GALNT17: variants seen among roughly 807,000 people sequenced by gnomAD.
GALNT17 encodes the protein polypeptide N-acetylgalactosaminyltransferase 17, also known as UDP-GalNAc:polypeptide N-acetylgalactosaminyltransferase-like 3.
A neutral mutation model predicts 63.7 loss-of-function variants in GALNT17; 29 were observed. The observed-to-expected ratio is 0.46, with a 90% CI of 0.34 to 0.62. The LOEUF (loss-of-function observed/expected upper bound fraction) is 0.62, where lower values mean the gene tolerates loss of function less well. Among genes scored for constraint, GALNT17 ranks in the 20% least tolerant of loss-of-function variants. The pLI is 0.01. For missense variants in GALNT17, 603 were observed against 799.6 expected (o/e 0.75, Z 2.97); for synonymous variants, 305 against 318.3 (o/e 0.96, Z 0.45).
chr7:71,538,978 C>T (rs1584034699), intron 5 of GALNT17, among the ~76,000 whole-genome samples: 1 of 152,060 alleles, frequency 6.6e-6, no homozygotes, highest in Admixed American at 6.6e-5. Context: ...ACTCTGTCGC[C>T]CAGGCTGGAG....
At chr7:71,530,598 GA>G (rs1788703656) in intron 5 of GALNT17, among the ~76,000 whole-genome samples, 8 of 150,894 alleles carry the variant, frequency 5.3e-5, no homozygotes, top group Admixed American at 5.3e-4. Flanking sequence ...TTTTGAGACA[GA>G]GTCTCGCTCT....
intron 1 of GALNT17, among the ~76,000 whole-genome samples, chr7:71,295,102 G>T (rs1791053929): frequency 6.6e-6 from 1 of 152,104 alleles, no homozygotes; most frequent in Non-Finnish European, 1.5e-5. Flanking sequence ...CTTACAATGG[G>T]CCGAGGATAC....
intron 5 of GALNT17, among the ~76,000 whole-genome samples, chr7:71,461,187 A>C (rs1439036571): frequency 6.6e-6 from 1 of 152,152 alleles, no homozygotes; most frequent in African/African-American, 2.4e-5. Flanking sequence ...CAGAGTATGC[A>C]GCAACCCATT....
At chr7:71,499,971 T>A (rs116963070) in intron 5 of GALNT17, among the ~76,000 whole-genome samples, 1,601 of 152,332 alleles carry the variant, frequency 0.011, 12 homozygotes, top group Non-Finnish European at 0.018. Context: ...GCACTTCTCC[T>A]GCTATCCTGT....
chr7:71,634,276 C>T (rs576486019), intron 6 of GALNT17, among the ~76,000 whole-genome samples: 6 of 152,056 alleles, frequency 3.9e-5, no homozygotes, highest in African/African-American at 9.6e-5. Context: ...TTGGGGGGTC[C>T]GTTTGTTGAC....
chr7:71,591,886 G>A (rs1181884708), intron 6 of GALNT17, among the ~76,000 whole-genome samples: 4 of 152,198 alleles, frequency 2.6e-5, no homozygotes, highest in African/African-American at 9.6e-5. Flanking sequence ...TGGTCTCGAA[G>A]TCCTGACCTC....
At chr7:71,695,966 T>A (rs1791534640) in intron 9 of GALNT17, among the ~76,000 whole-genome samples, 1 of 152,200 alleles carries the variant, frequency 6.6e-6, no homozygotes, top group South Asian at 2.1e-4. Context: ...TCAATTTCAA[T>A]AATATACACA....
At chr7:71,207,297 A>G (rs1364883691) in intron 1 of GALNT17, among the ~76,000 whole-genome samples, 1 of 152,146 alleles carries the variant, frequency 6.6e-6, no homozygotes, top group Non-Finnish European at 1.5e-5. Context: ...TGTAAGTTTA[A>G]ACCATGTCCC....
chr7:71,655,261 A>C (rs941266321), intron 6 of GALNT17, among the ~76,000 whole-genome samples: 2 of 152,166 alleles, frequency 1.3e-5, no homozygotes, highest in Non-Finnish European at 2.9e-5. Context: ...TCTCTCAAAA[A>C]AAGAATCAAA....
intron 1 of GALNT17, among the ~76,000 whole-genome samples, chr7:71,258,678 G>T (rs927417898): frequency 1.3e-5 from 2 of 152,048 alleles, no homozygotes; most frequent in Admixed American, 1.3e-4. Flanking sequence ...TTACAGAGAG[G>T]ATGATATTTA....
In GALNT17 at chr7:71,507,645, C is replaced by T. The variant is rs183850772; in HGVS notation, c.963-63640C>T. ...GACGCCACTGGGCCCTGAGCCAATG[C>T]GTTGGTTAATCTTCGAGCCGTGTCC... On this transcript the variant is annotated intron_variant, in intron 5 of 10. Coordinates refer to ENST00000333538, the MANE Select transcript of GALNT17 (RefSeq NM_022479.3). Among the ~76,000 whole-genome samples the T allele has an allele frequency of 6.6e-4, 100 of 152,270 alleles. No individual in the cohort carries two copies. The Middle Eastern group carries it at 0.01, about 16-fold the overall frequency.
At chr7:71,415,778 A>AT (rs1335596744) in intron 3 of GALNT17, 111 bp from the exon 4 acceptor site, 185 of 1,256,274 alleles carry the variant, frequency 1.5e-4, no homozygotes, top group Middle Eastern at 6.8e-4. Flanking sequence ...CTAACATGCG[A>AT]TTTTTTTTGA....
At chr7:71,147,772 C>T (rs979706714) in intron 1 of GALNT17, among the ~76,000 whole-genome samples, 3 of 152,088 alleles carry the variant, frequency 2.0e-5, no homozygotes, top group African/African-American at 4.8e-5. Context: ...GCTGGGACTA[C>T]AAGAGTGCAC....
At chr7:71,237,690 C>CCAAA (rs1229837007) in intron 1 of GALNT17, among the ~76,000 whole-genome samples, 1 of 151,970 alleles carries the variant, frequency 6.6e-6, no homozygotes, top group Non-Finnish European at 1.5e-5. Flanking sequence ...TTCTCAAAAA[C>CCAAA]CAAACAAACA....
chr7:71,286,067 G>T (rs1206327906), intron 1 of GALNT17, among the ~76,000 whole-genome samples: 2 of 152,188 alleles, frequency 1.3e-5, no homozygotes, highest in Non-Finnish European at 2.9e-5. Flanking sequence ...TACTTGGGGA[G>T]AACTATAACA....
At chr7:71,383,302 C>G (rs1260031350) in intron 2 of GALNT17, among the ~76,000 whole-genome samples, 1 of 152,182 alleles carries the variant, frequency 6.6e-6, no homozygotes, top group Non-Finnish European at 1.5e-5. Flanking sequence ...GGAAATCCCT[C>G]ACATAAAATG....
chr7:71,180,388 A>G (rs1788714526), intron 1 of GALNT17, among the ~76,000 whole-genome samples: 1 of 152,038 alleles, frequency 6.6e-6, no homozygotes, highest in African/African-American at 2.4e-5. Context: ...CAGCCTCCCA[A>G]AGTGCTAGGA....
At chr7:71,382,209 G>A (rs1244942185) in intron 2 of GALNT17, among the ~76,000 whole-genome samples, 6 of 152,018 alleles carry the variant, frequency 3.9e-5, no homozygotes, top group South Asian at 2.1e-4. Flanking sequence ...GTGAAACCTC[G>A]TCTCTAATAA....
chr7:71,255,125 T>C (rs1790266534), intron 1 of GALNT17, among the ~76,000 whole-genome samples: 1 of 152,166 alleles, frequency 6.6e-6, no homozygotes, highest in Non-Finnish European at 1.5e-5. Context: ...AATGATCCTA[T>C]GCTAGGAATG....
Sources: gnomAD v4.1 joint callset for allele counts (sites outside exome capture counted in the v4.1 genomes callset) on GRCh38, gnomAD v4.1.1 for gene constraint, MANE v1.5 for transcripts, NCBI Gene and HGNC (gene_info 2026-07-23, HGNC 2026-07-21) for gene names.